The following ZNF69 variants were observed in gnomAD, a reference collection of about 807,000 sequenced individuals.
ZNF69 encodes the protein zinc finger protein 69.
A neutral mutation model predicts 50.9 loss-of-function variants in ZNF69; 47 were observed. The ratio of observed to expected loss-of-function variants is 0.92; its 90% confidence interval spans 0.73 to 1.18. The LOEUF is 1.18. Among genes scored for constraint, ZNF69 ranks in the 50% most tolerant of loss-of-function variants. The probability of loss-of-function intolerance (pLI) is 0.00; values close to 1 mark genes in which losing one functional copy is unlikely to be tolerated. For synonymous variants in ZNF69, 216 were observed against 223.1 expected, an observed-to-expected ratio of 0.97 and a Z score of 0.29; for missense variants, 717 against 675.1, an observed-to-expected ratio of 1.06 and a Z score of -0.69.
chr19:11,980,028 G>A, the ZNF69 span: 22 of 1,118,982 alleles, frequency 2.0e-5, no homozygotes, highest in South Asian at 9.9e-5. Context: ...ACTTCTTTTC[G>A]ATAACATGAA....
chr19:11,925,336 G>T, the ZNF69 span: 5 of 1,595,698 alleles, frequency 3.1e-6, no homozygotes, highest in Non-Finnish European at 4.3e-6. Context: ...GGCGGGAACC[G>T]GCTGTGGCGG....
intron 1 of ZNF69, 55 bp downstream of exon 1, chr19:11,888,041 C>T: frequency 2.6e-6 from 4 of 1,561,844 alleles, no homozygotes; most frequent in East Asian, 2.3e-5. Context: ...CTGGACCGAC[C>T]GGAACCGACT....
At chr19:11,898,498 C>T (rs964769194) in intron 1 of ZNF69, among the ~76,000 whole-genome samples, 2 of 147,392 alleles carry the variant, frequency 1.4e-5, no homozygotes, top group East Asian at 4.1e-4. Context: ...TCTAGCAATT[C>T]TTCTGCCTCA....
the ZNF69 span, among the ~76,000 whole-genome samples, chr19:11,961,145 C>T: frequency 6.6e-6 from 1 of 152,082 alleles, no homozygotes; most frequent in Non-Finnish European, 1.5e-5. Context: ...AGCCCTAAAC[C>T]CCAACACGGT....
the ZNF69 span, among the ~76,000 whole-genome samples, chr19:11,935,005 G>T: frequency 6.9e-6 from 1 of 145,750 alleles, no homozygotes; most frequent in African/African-American, 2.7e-5. Context: ...GTGAAACCCC[G>T]TCTCTACTAA....
At chr19:11,891,288 G>A (rs549949523) in intron 1 of ZNF69, among the ~76,000 whole-genome samples, 1 of 151,848 alleles carries the variant, frequency 6.6e-6, no homozygotes, top group Middle Eastern at 3.4e-3. Context: ...TTAGCCGGGT[G>A]TGGTGGCTTG....
chr19:11,916,841 T>A (rs1203820467), downstream of ZNF69, among the ~76,000 whole-genome samples: 4 of 152,006 alleles, frequency 2.6e-5, no homozygotes. Flanking sequence ...AAGGTGCTCT[T>A]GCACAACACA....
chr19:11,912,804 A>C (rs539538557), intron 4 of ZNF69, among the ~76,000 whole-genome samples: 1 of 152,252 alleles, frequency 6.6e-6, no homozygotes, highest in Admixed American at 6.5e-5. Context: ...ATGGGAAAGC[A>C]TTCAGACCTG....
downstream of ZNF69, among the ~76,000 whole-genome samples, chr19:11,908,248 C>T (rs534058317): frequency 2.6e-5 from 4 of 152,256 alleles, no homozygotes; most frequent in South Asian, 4.1e-4. Context: ...CCACTGTCAA[C>T]ATTAGACAGA....
chr19:11,955,384 TTTTC>T, the ZNF69 span, among the ~76,000 whole-genome samples: 10 of 150,128 alleles, frequency 6.7e-5, no homozygotes, highest in East Asian at 3.9e-4. Flanking sequence ...GATGATTTCT[TTTTC>T]TTTCTTTCTT....
At chr19:11,904,005 C>G (rs28588743) in intron 3 of ZNF69, 40 bp downstream of exon 3, 77,451 of 1,525,622 alleles carry the variant, frequency 0.051, 4,500 homozygotes, top group African/African-American at 0.3. Flanking sequence ...TCTCTCTAGA[C>G]AATCTTAGAA....
At chr19:11,907,593 G>A (rs1972398009), downstream of ZNF69, among the ~76,000 whole-genome samples, 1 of 152,090 alleles carries the variant, frequency 6.6e-6, no homozygotes, top group East Asian at 1.9e-4. Context: ...AAGTGAAGGA[G>A]AAATAAAATC....
the ZNF69 span, chr19:11,948,988 C>T: frequency 1.1e-5 from 17 of 1,607,988 alleles, no homozygotes; most frequent in Non-Finnish European, 1.4e-5. Flanking sequence ...CAGTTCTCTT[C>T]GTAGACATGA....
the ZNF69 span, among the ~76,000 whole-genome samples, chr19:11,968,838 G>A: frequency 6.6e-6 from 1 of 152,128 alleles, no homozygotes; most frequent in South Asian, 2.1e-4. Flanking sequence ...TGGCAACATA[G>A]TGAGACCCCA....
rs1161597205 is a variant in ZNF69, at chr19:11,903,813, G to A, written c.191-92G>A. On this transcript the variant is annotated intron_variant, in intron 2 of 3. Coordinates refer to ENST00000429654, the MANE Select transcript of ZNF69 (RefSeq NM_001364730.1). ...GGAAATACTTTGATGAATAAATGAG[G>A]TATGGCTGCAGTAAATCATGGGCAT... The A allele has an allele frequency of 8.1e-6, 13 of 1,605,332 alleles. No individual in the cohort carries two copies. The East Asian group carries it at 2.2e-4, about 28-fold the overall frequency.
chr19:11,927,561 A>G, the ZNF69 span, among the ~76,000 whole-genome samples: 1 of 152,178 alleles, frequency 6.6e-6, no homozygotes, highest in Non-Finnish European at 1.5e-5. Context: ...TTTCTTATGT[A>G]GGGATCTTTT....
chr19:11,947,201 T>C, the ZNF69 span: 18 of 1,613,802 alleles, frequency 1.1e-5, no homozygotes, highest in East Asian at 4.0e-4. Flanking sequence ...CCTTTGAGGA[T>C]GTGGCTGTGA....
At chr19:11,889,222 C>T (rs372073519) in intron 1 of ZNF69, among the ~76,000 whole-genome samples, 2 of 152,280 alleles carry the variant, frequency 1.3e-5, no homozygotes, top group South Asian at 2.1e-4. Context: ...CCTTGTCTTG[C>T]GTGGCCTTAG....
chr19:11,974,143 TTTCTTTCTTTCTTTCCTTCC>T, the ZNF69 span, among the ~76,000 whole-genome samples: 8 of 128,880 alleles, frequency 6.2e-5, no homozygotes, highest in African/African-American at 1.9e-4. Flanking sequence ...TCTTTCTTTC[TTTCTTTCTTTCTTTCCTTCC>T]TTCCTTCCTT....
Sources: allele counts gnomAD v4.1 joint callset (sites outside exome capture counted in the v4.1 genomes callset), GRCh38; gene constraint gnomAD v4.1.1; transcripts MANE v1.5; gene names NCBI Gene and HGNC (gene_info 2026-07-23, HGNC 2026-07-21).